Variants in PDE4B observed in about 807,000 individuals in gnomAD.
The protein encoded by PDE4B is 3',5'-cyclic-AMP phosphodiesterase 4B.
Under a neutral mutation model 82.2 loss-of-function variants are expected in PDE4B, and 20 were observed. The ratio of observed to expected loss-of-function variants is 0.24; its 90% confidence interval spans 0.17 to 0.35. The LOEUF (loss-of-function observed/expected upper bound fraction) is 0.35, where lower values mean the gene tolerates loss of function less well. PDE4B is among the 10% of genes least tolerant of loss of function. The pLI, the probability that PDE4B is intolerant of heterozygous loss-of-function variation, is 1.00. For synonymous variants in PDE4B, 320 were observed against 318.9 expected (o/e 1.00, Z -0.04); for missense variants, 655 against 907.2 (o/e 0.72, Z 3.57).
At chr1:65,906,152 A>C (rs1186442593) in intron 1 of PDE4B, among the ~76,000 whole-genome samples, 1 of 152,188 alleles carries the variant, frequency 6.6e-6, no homozygotes. Flanking sequence ...GTAGCATTAG[A>C]AGATCTAAAT....
chr1:65,844,874 G>A (rs1174658433), intron 1 of PDE4B, among the ~76,000 whole-genome samples: 1 of 152,156 alleles, frequency 6.6e-6, no homozygotes, highest in Non-Finnish European at 1.5e-5. Flanking sequence ...AATTATGGAG[G>A]AATTCTGAGG....
intron 3 of PDE4B, among the ~76,000 whole-genome samples, chr1:66,027,235 C>T (rs755463333): frequency 5.3e-5 from 8 of 152,170 alleles, no homozygotes; most frequent in Non-Finnish European, 1.0e-4. Context: ...AAAGGCACTT[C>T]TTACATGGCA....
At chr1:66,219,827 T>C (rs1233372873) in intron 3 of PDE4B, among the ~76,000 whole-genome samples, 5 of 152,158 alleles carry the variant, frequency 3.3e-5, no homozygotes, top group African/African-American at 1.2e-4. Context: ...ACAATAAAAT[T>C]AGAGAGCAGG....
intron 3 of PDE4B, among the ~76,000 whole-genome samples, chr1:65,987,770 G>A (rs1159521381): frequency 4.6e-5 from 7 of 151,950 alleles, no homozygotes; most frequent in East Asian, 3.9e-4. Context: ...GCGCTGCCAC[G>A]CCCAGCTAAT....
At chr1:66,018,000 A>G (rs1217650314) in intron 3 of PDE4B, among the ~76,000 whole-genome samples, 1 of 152,192 alleles carries the variant, frequency 6.6e-6, no homozygotes, top group Admixed American at 6.5e-5. Context: ...TATATTTTAT[A>G]TAGCTCTGCA....
At chr1:66,076,921 G>A (rs1440872307) in intron 3 of PDE4B, among the ~76,000 whole-genome samples, 1 of 151,550 alleles carries the variant, frequency 6.6e-6, no homozygotes, top group East Asian at 1.9e-4. Context: ...TTTGGCCCTT[G>A]TCAGTTGCAT....
intron 1 of PDE4B, among the ~76,000 whole-genome samples, chr1:65,842,707 C>A (rs1646221435): frequency 6.6e-6 from 1 of 152,036 alleles, no homozygotes; most frequent in Non-Finnish European, 1.5e-5. Flanking sequence ...AAGAATAGTG[C>A]AAAATACCCA....
intron 3 of PDE4B, chr1:65,992,933 A>T (rs1266166557): frequency 1.2e-6 from 2 of 1,613,704 alleles, no homozygotes; most frequent in Non-Finnish European, 1.7e-6. Flanking sequence ...CTTCAAAGGA[A>T]CTTACTGCTT....
intron 3 of PDE4B, among the ~76,000 whole-genome samples, chr1:66,057,131 C>T (rs1261058995): frequency 6.6e-6 from 1 of 152,088 alleles, no homozygotes; most frequent in Non-Finnish European, 1.5e-5. Flanking sequence ...TTATAGGAGT[C>T]CCCAGTTTGG....
At chr1:66,272,485 C>T (rs753247170) in intron 7 of PDE4B, among the ~76,000 whole-genome samples, 13 of 152,168 alleles carry the variant, frequency 8.5e-5, no homozygotes, top group Admixed American at 6.5e-5. Context: ...CTGGTAACCC[C>T]TTTTGGTTCA....
intron 3 of PDE4B, among the ~76,000 whole-genome samples, chr1:66,103,834 C>A (rs1645277817): frequency 6.6e-6 from 1 of 152,038 alleles, no homozygotes; most frequent in Non-Finnish European, 1.5e-5. Flanking sequence ...TGCTCCATTA[C>A]TTTCTAGGAA....
chr1:66,164,362 C>G (rs1012607443), intron 3 of PDE4B, among the ~76,000 whole-genome samples: 1 of 151,340 alleles, frequency 6.6e-6, no homozygotes, highest in African/African-American at 2.4e-5. Flanking sequence ...TGGTGAAACC[C>G]CATCTCTACT....
intron 3 of PDE4B, among the ~76,000 whole-genome samples, chr1:66,177,289 A>G (rs1198264874): frequency 6.6e-6 from 1 of 152,200 alleles, no homozygotes; most frequent in Non-Finnish European, 1.5e-5. Context: ...AACACCATGA[A>G]GGCAAGAAAT....
chr1:66,328,192 C>G (rs1461040107), intron 7 of PDE4B, among the ~76,000 whole-genome samples: 1 of 152,058 alleles, frequency 6.6e-6, no homozygotes, highest in Non-Finnish European at 1.5e-5. Context: ...AATGCAATAC[C>G]CAGCAAACTT....
At chr1:66,286,535 G>C (rs1294691434) in intron 7 of PDE4B, among the ~76,000 whole-genome samples, 1 of 152,126 alleles carries the variant, frequency 6.6e-6, no homozygotes, top group East Asian at 1.9e-4. Context: ...AAACAAACAA[G>C]ACAGCATGGC....
At chr1:66,065,110 T>C (rs899877116) in intron 3 of PDE4B, among the ~76,000 whole-genome samples, 1 of 151,930 alleles carries the variant, frequency 6.6e-6, no homozygotes, top group South Asian at 2.1e-4. Flanking sequence ...TGCTTAGAGG[T>C]AGATTTATAA....
At chr1:65,815,050 TTTATTTATTTATTTA>T (rs869305957) in intron 1 of PDE4B, among the ~76,000 whole-genome samples, 12 of 146,388 alleles carry the variant, frequency 8.2e-5, no homozygotes, top group African/African-American at 2.3e-4. Flanking sequence ...TATTTATTTA[TTTATTTATTTATTTA>T]TTATTATTAT....
rs1249227373 is a variant in PDE4B at position 66,363,265 on chromosome 1, A to G, written c.1118A>G (p.Gln373Arg). 2 of 1,601,140 alleles carry G rather than the reference A, an allele frequency of 1.2e-6. No individual in the cohort carries two copies. Among genetic ancestry groups the G allele is most frequent in the East Asian group, 2.2e-5 (1 of 44,788 alleles). Residue 373 changes from glutamine to arginine, a missense_variant and splice_region_variant, in exon 11 of 17, where the codon CAG becomes CGG. This residue lies in a region of PDE4B where 283 missense variants were observed against 516.4 expected (regional missense o/e 0.55). Coordinates refer to ENST00000341517, the MANE Select transcript of PDE4B (RefSeq NM_002600.4). ...PLTCIMYAIF[Q>R]ERDLLKTFRI... ...ACATGCATCATGTATGCTATATTCC[A>G]GGTGAGTGAACAGGAGTGAATACTG...
intron 3 of PDE4B, among the ~76,000 whole-genome samples, chr1:66,087,093 A>C (rs1023179080): frequency 6.6e-6 from 1 of 152,134 alleles, no homozygotes; most frequent in East Asian, 1.9e-4. Flanking sequence ...CACGTATTGC[A>C]AAAGATAAAG....
Sources: gnomAD v4.1 joint callset for allele counts (sites outside exome capture counted in the v4.1 genomes callset) on GRCh38, gnomAD v4.1.1 for gene constraint, gnomAD v4.1.1 regional missense constraint, MANE v1.5 for transcripts, NCBI Gene and HGNC (gene_info 2026-07-23, HGNC 2026-07-21) for gene names.